Variants in ADGRB3 observed in about 807,000 individuals in gnomAD.
The protein encoded by ADGRB3 is brain-specific angiogenesis inhibitor 3.
In ADGRB3, 37 loss-of-function variants were observed where a neutral mutation model predicts 193.4. The ratio of observed to expected loss-of-function variants is 0.19; its 90% CI spans 0.15 to 0.25. ADGRB3 has a LOEUF of 0.25. ADGRB3 is among the 10% of genes least tolerant of loss of function. The pLI, the probability that ADGRB3 is intolerant of heterozygous loss-of-function variation, is 1.00. For synonymous variants in ADGRB3, 690 were observed against 644.2 expected (o/e 1.07, Z -1.08); for missense variants, 1,637 against 1,852.9 (o/e 0.88, Z 2.14).
At chr6:68,679,366 T>C (rs1297063018) in intron 3 of ADGRB3, among the ~76,000 whole-genome samples, 2 of 151,992 alleles carry the variant, frequency 1.3e-5, no homozygotes, top group Admixed American at 6.6e-5. Context: ...TTAAGGGACA[T>C]AGGGTCTCTT....
intron 3 of ADGRB3, among the ~76,000 whole-genome samples, chr6:68,925,058 C>A (rs78201685): frequency 0.034 from 5,136 of 151,854 alleles, 262 homozygotes; most frequent in African/African-American, 0.12. Context: ...AAATTGTATT[C>A]AGTTCATGCT....
chr6:69,294,603 A>C (rs981382075), intron 20 of ADGRB3, among the ~76,000 whole-genome samples: 2 of 152,178 alleles, frequency 1.3e-5, no homozygotes, highest in Admixed American at 1.3e-4. Flanking sequence ...CTACTAGGAC[A>C]GTGCACTGTT....
Position 68,724,677 on chromosome 6 carries a change from T to G in ADGRB3, c.757+85245T>G, listed in dbSNP as rs539449204. ...CAAAAACCCATATTTTTTTTTTTTT[T>G]GGTAAAAACTCACTTTTCCTGAAGA... On this transcript the variant is annotated intron_variant, in intron 3 of 31. Transcript: ENST00000370598. Among the ~76,000 whole-genome samples the G allele has an allele frequency of 3.7e-3, 544 of 146,398 alleles. 2 individuals carry two copies. The highest frequency in any genetic ancestry group is 5.5e-3 in the Non-Finnish European group (362 of 66,178).
rs559706997 is a variant in ADGRB3, at chr6:69,262,933, T to C, written c.2814+23707T>C. 6.6e-5 allele frequency among the ~76,000 whole-genome samples: 10 copies of C among 152,096 alleles called. No homozygotes were observed. In the East Asian group the frequency reaches 1.7e-3, roughly 26 times the overall value. On this transcript the variant is annotated intron_variant, in intron 20 of 31. Coordinates refer to ENST00000370598, the MANE Select transcript of ADGRB3 (RefSeq NM_001704.3). ...ATAAAGGAGGAGTACTGTAGTGTGT[T>C]TGAGACCTTACATATAGCGTTTTCT... is the stretch of plus-strand genomic sequence containing the variant.
intron 3 of ADGRB3, among the ~76,000 whole-genome samples, chr6:68,712,076 A>G (rs1023030984): frequency 6.6e-6 from 1 of 152,098 alleles, no homozygotes; most frequent in Non-Finnish European, 1.5e-5. Context: ...AAAAAGTAAG[A>G]ATTAAATCTC....
At chr6:69,217,267 A>G (rs752554977) in intron 17 of ADGRB3, among the ~76,000 whole-genome samples, 16 of 152,152 alleles carry the variant, frequency 1.1e-4, no homozygotes, top group South Asian at 2.1e-4. Context: ...GGCAGTAGTC[A>G]CCAAGAAGCA....
At chr6:68,799,807 G>T (rs1425193008) in intron 3 of ADGRB3, among the ~76,000 whole-genome samples, 1 of 152,104 alleles carries the variant, frequency 6.6e-6, no homozygotes, top group Non-Finnish European at 1.5e-5. Context: ...TAAACAGAGA[G>T]AAAAATAACT....
At chr6:69,299,286 G>A (rs1279179621) in intron 20 of ADGRB3, among the ~76,000 whole-genome samples, 2 of 151,694 alleles carry the variant, frequency 1.3e-5, no homozygotes, top group African/African-American at 4.8e-5. Flanking sequence ...TTGCTATTGA[G>A]TTGTTTGAGT....
intron 17 of ADGRB3, among the ~76,000 whole-genome samples, chr6:69,165,868 T>C (rs907713464): frequency 3.3e-5 from 5 of 152,134 alleles, no homozygotes; most frequent in African/African-American, 7.2e-5. Flanking sequence ...CTTTATTTTA[T>C]AGATGAAGAA....
chr6:68,672,545 T>C (rs1768990509), intron 3 of ADGRB3, among the ~76,000 whole-genome samples: 1 of 152,060 alleles, frequency 6.6e-6, no homozygotes, highest in Non-Finnish European at 1.5e-5. Flanking sequence ...GGCCCTTTTA[T>C]ATTCCAAGAA....
chr6:68,716,737 A>T (rs1765495694), intron 3 of ADGRB3, among the ~76,000 whole-genome samples: 1 of 151,538 alleles, frequency 6.6e-6, no homozygotes, highest in African/African-American at 2.4e-5. Flanking sequence ...TAATTGTTAA[A>T]CTTTTTTGAG....
chr6:69,166,678 G>A (rs1367496097), intron 17 of ADGRB3, among the ~76,000 whole-genome samples: 2 of 152,052 alleles, frequency 1.3e-5, no homozygotes, highest in African/African-American at 4.8e-5. Flanking sequence ...CACTGTTGTA[G>A]GCACTGAGGA....
chr6:68,705,322 T>C (rs1582135859), intron 3 of ADGRB3, among the ~76,000 whole-genome samples: 1 of 152,226 alleles, frequency 6.6e-6, no homozygotes, highest in Non-Finnish European at 1.5e-5. Context: ...ATTTGTGTTT[T>C]CAATTGCACA....
At chr6:68,823,888 T>C (rs770791338) in intron 3 of ADGRB3, among the ~76,000 whole-genome samples, 10 of 152,168 alleles carry the variant, frequency 6.6e-5, no homozygotes, top group South Asian at 2.1e-4. Flanking sequence ...AATTATCTCA[T>C]TGTTGAATAA....
chr6:69,014,753 G>A (rs541233496), intron 12 of ADGRB3, among the ~76,000 whole-genome samples: 10 of 151,742 alleles, frequency 6.6e-5, no homozygotes, highest in African/African-American at 2.4e-4. Context: ...GAAAAATTAT[G>A]GTTTAAAAAA....
At chr6:68,800,432 G>A (rs1767289756) in intron 3 of ADGRB3, among the ~76,000 whole-genome samples, 1 of 152,136 alleles carries the variant, frequency 6.6e-6, no homozygotes, top group African/African-American at 2.4e-5. Context: ...TCAGGCTGGA[G>A]CTATGAACCT....
intron 20 of ADGRB3, among the ~76,000 whole-genome samples, chr6:69,300,871 G>T (rs569653852): frequency 6.6e-6 from 1 of 151,842 alleles, no homozygotes; most frequent in African/African-American, 2.4e-5. Context: ...CTATCATGAT[G>T]ATTACATTTC....
In ADGRB3 at chr6:69,032,696, ATAAG is replaced by A. The variant is rs1427079091; in HGVS notation, c.2107+14200_2107+14203del. On this transcript the variant is annotated intron_variant, in intron 13 of 31. Coordinates refer to ENST00000370598, the MANE Select transcript of ADGRB3 (RefSeq NM_001704.3). ...GCTTCCTTCACTGAATTCCAAATAA[ATAAG>A]TATTCATGTGAATTTGAAAACTAAA... Among the ~76,000 whole-genome samples, 6 of 152,326 alleles carry A rather than the reference ATAAG, an allele frequency of 3.9e-5. No individual in the cohort carries two copies. The East Asian group carries it at 7.7e-4, about 20-fold the overall frequency.
intron 3 of ADGRB3, among the ~76,000 whole-genome samples, chr6:68,782,890 G>A: frequency 1.3e-5 from 2 of 151,802 alleles, no homozygotes; most frequent in Non-Finnish European, 2.9e-5. Flanking sequence ...TGTCAGATGA[G>A]TAAGTATACT....
Sources: allele counts gnomAD v4.1 joint callset (sites outside exome capture counted in the v4.1 genomes callset), GRCh38; gene constraint gnomAD v4.1.1; transcripts MANE v1.5; gene names NCBI Gene and HGNC (gene_info 2026-07-23, HGNC 2026-07-21).